LAMA2: variants seen among roughly 807,000 people sequenced by gnomAD.
The protein encoded by LAMA2 is laminin subunit alpha 2, also known as laminin subunit alpha-2.
In LAMA2, 269 loss-of-function variants were observed where a neutral mutation model predicts 364.8. That is an observed-to-expected ratio of 0.74 (90% confidence interval 0.67 to 0.82). The LOEUF (loss-of-function observed/expected upper bound fraction) is 0.82. Among genes scored for constraint, LAMA2 ranks in the 40% least tolerant of loss-of-function variants. LAMA2 has a pLI of 0.00. For synonymous variants in LAMA2, 1,379 were observed against 1,370.6 expected, an observed-to-expected ratio of 1.01 and a Z score of -0.14; for missense variants, 3,807 against 3,873.2, an observed-to-expected ratio of 0.98 and a Z score of 0.45.
chr6:129,499,273 TTTA>T (rs941557229), intron 58 of LAMA2, among the ~76,000 whole-genome samples: 4 of 152,180 alleles, frequency 2.6e-5, no homozygotes, highest in African/African-American at 7.2e-5. Context: ...AATTTTTTTT[TTTA>T]TTATTATTGT....
At chr6:129,048,509 C>T (rs1389333763) in intron 1 of LAMA2, among the ~76,000 whole-genome samples, 15 of 43,390 alleles carry the variant, frequency 3.5e-4, no homozygotes, top group East Asian at 2.4e-3. Flanking sequence ...TCCTTCCTTC[C>T]TTCCTTCCTT....
At chr6:128,890,131 A>G (rs1398342102) in intron 1 of LAMA2, among the ~76,000 whole-genome samples, 2 of 152,152 alleles carry the variant, frequency 1.3e-5, no homozygotes, top group Non-Finnish European at 2.9e-5. Context: ...TACCTCCCCA[A>G]GGCTCTTCAT....
intron 12 of LAMA2, among the ~76,000 whole-genome samples, chr6:129,244,013 G>A (rs750123494): frequency 2.0e-5 from 3 of 151,976 alleles, no homozygotes; most frequent in Non-Finnish European, 4.4e-5. Flanking sequence ...TGTTTTCCTC[G>A]AGGTTTTTTA....
intron 9 of LAMA2, among the ~76,000 whole-genome samples, chr6:129,170,973 T>C (rs1245391689): frequency 6.6e-6 from 1 of 151,548 alleles, no homozygotes; most frequent in South Asian, 2.1e-4. Context: ...TAAAGTCTGT[T>C]TTATCAGAGA....
At position 128,988,262 on chromosome 6, in the gene LAMA2, T is replaced by C. The variant is rs115482272; in HGVS notation, c.113-61656T>C. 2.8e-3 allele frequency among the ~76,000 whole-genome samples: 422 copies of C among 152,324 alleles called. 1 individual carries two copies. Among genetic ancestry groups the C allele is most frequent in the African/African-American group, 8.4e-3 (350 of 41,588 alleles). On this transcript the variant is annotated intron_variant, in intron 1 of 64. Coordinates refer to ENST00000421865, the MANE Select transcript of LAMA2 (RefSeq NM_000426.4). ...ACGAGAACATACAAGGGGACATCTC[T>C]TATGGACTGGTAATTTTAGGATTGT... is the stretch of plus-strand genomic sequence containing the variant.
Position 129,342,549 on chromosome 6 carries a change from T to C in LAMA2, c.4436+82T>C, listed in dbSNP as rs946530269. On this transcript the variant is annotated intron_variant, in intron 30 of 64. Transcript: ENST00000421865. ...ATGGGCTGTCTATGATTTGGCTATT[T>C]TTTCCATGTAGACAAAAATCTCAAT... 6.1e-5 allele frequency: 85 copies of C among 1,394,032 alleles called. 1 individual carries two copies. The African/African-American group carries it at 1.1e-3, about 19-fold the overall frequency. 86.4% of individuals were successfully genotyped at this position (1,394,032 alleles called of 1,614,324 possible). A position where few individuals can be genotyped will look rare whatever the true frequency, so the allele number is the denominator to read the frequency against.
In LAMA2 at chr6:129,493,022, G is replaced by A. The variant is rs752003417; in HGVS notation, c.8244+539G>A. Among the ~76,000 whole-genome samples, 10 of 152,234 alleles carry A rather than the reference G, an allele frequency of 6.6e-5. No individual in the cohort carries two copies. In the East Asian group the frequency reaches 1.4e-3, roughly 21 times the overall value. ...TACAAAAAAATAGCCTGGCATGGCG[G>A]TGTGCACCTGTAGTCCCAGCTACTC... On this transcript the variant is annotated intron_variant, in intron 58 of 64. Transcript: ENST00000421865.
At chr6:129,219,643 AG>A (rs1783667959) in intron 12 of LAMA2, among the ~76,000 whole-genome samples, 1 of 146,582 alleles carries the variant, frequency 6.8e-6, no homozygotes, top group South Asian at 2.3e-4. Context: ...AATACTATGC[AG>A]CCATAAAAAA....
At chr6:128,902,676 G>GT (rs1777162455) in intron 1 of LAMA2, among the ~76,000 whole-genome samples, 3 of 152,198 alleles carry the variant, frequency 2.0e-5, no homozygotes, top group Admixed American at 2.0e-4. Flanking sequence ...AGTGGAGGGT[G>GT]TTTTTGTTGT....
At chr6:129,101,231 A>C (rs1775504200) in intron 4 of LAMA2, among the ~76,000 whole-genome samples, 1 of 152,198 alleles carries the variant, frequency 6.6e-6, no homozygotes, top group Admixed American at 6.5e-5. Flanking sequence ...TTGAGAAGAT[A>C]ACTTCTCAGA....
chr6:128,896,142 T>C (rs926094658), intron 1 of LAMA2, among the ~76,000 whole-genome samples: 8 of 152,142 alleles, frequency 5.3e-5, no homozygotes, highest in African/African-American at 9.7e-5. Context: ...CCAGATTAAG[T>C]AGACAAATTG....
At chr6:129,047,775 TAATAGTC>T (rs1322884263) in intron 1 of LAMA2, among the ~76,000 whole-genome samples, 1 of 152,196 alleles carries the variant, frequency 6.6e-6, no homozygotes, top group East Asian at 1.9e-4. Flanking sequence ...AAAGAAAACT[TAATAGTC>T]AATACATACT....
At chr6:129,410,022 C>T (rs1356407778) in intron 40 of LAMA2, among the ~76,000 whole-genome samples, 3 of 152,110 alleles carry the variant, frequency 2.0e-5, no homozygotes, top group South Asian at 2.1e-4. Context: ...CTCAGTGACA[C>T]GAGGATATGA....
intron 1 of LAMA2, among the ~76,000 whole-genome samples, chr6:129,038,883 A>T (rs1401725335): frequency 6.6e-6 from 1 of 152,250 alleles, no homozygotes; most frequent in African/African-American, 2.4e-5. Context: ...CACATTTTTC[A>T]TATAGGTTGG....
chr6:129,066,324 C>G (rs1187322969), intron 3 of LAMA2, among the ~76,000 whole-genome samples: 1 of 151,770 alleles, frequency 6.6e-6, no homozygotes, highest in African/African-American at 2.4e-5. Context: ...GGATTACAGG[C>G]GTGAGCCACC....
At chr6:129,391,441 A>C (rs1001670212) in intron 35 of LAMA2, 50 bp from the exon 36 acceptor site, 1 of 1,449,244 alleles carries the variant, frequency 6.9e-7, no homozygotes, top group Non-Finnish European at 9.7e-7. Flanking sequence ...CCATGTTTTC[A>C]TGTGGCATGT....
At chr6:129,279,847 A>G (rs1258134345) in intron 17 of LAMA2, among the ~76,000 whole-genome samples, 1 of 152,192 alleles carries the variant, frequency 6.6e-6, no homozygotes, top group African/African-American at 2.4e-5. Flanking sequence ...TCACAGGGAT[A>G]CTGCTCTCCA....
In LAMA2 at chr6:128,899,637, A is replaced by C. The variant is rs1036176794; in HGVS notation, c.112+16280A>C. Reference sequence around the variant, plus strand: ...CCTGATCCTTTTATAGTATGAATGAATGTTTGTATAAGACATAAATTTCTA... The same window carrying C: ...CCTGATCCTTTTATAGTATGAATGACTGTTTGTATAAGACATAAATTTCTA... On this transcript the variant is annotated intron_variant, in intron 1 of 64. Transcript: ENST00000421865. Among the ~76,000 whole-genome samples the C allele has an allele frequency of 2.6e-5, 4 of 152,174 alleles. No homozygotes were observed. The South Asian group carries it at 8.3e-4, about 32-fold the overall frequency.
At chr6:129,136,638 G>A (rs1336347720) in intron 4 of LAMA2, among the ~76,000 whole-genome samples, 5 of 151,408 alleles carry the variant, frequency 3.3e-5, no homozygotes, top group African/African-American at 2.4e-5. Context: ...ATATAAAATA[G>A]CAAATAATCT....
Sources: allele counts gnomAD v4.1 joint callset (sites outside exome capture counted in the v4.1 genomes callset), GRCh38; gene constraint gnomAD v4.1.1; transcripts MANE v1.5; gene names NCBI Gene and HGNC (gene_info 2026-07-23, HGNC 2026-07-21).